The following CTPS2 variants were observed in gnomAD, a reference collection of about 807,000 sequenced individuals.
CTPS2 encodes the protein CTP synthase 2.
CTPS2 carries 19 observed loss-of-function variants against 46.8 expected under a neutral mutation model. That is an observed-to-expected ratio of 0.41 (90% CI 0.28 to 0.60). The LOEUF is 0.60. CTPS2 is among the 20% of genes least tolerant of loss of function. CTPS2 has a pLI of 0.35. For missense variants in CTPS2, 286 were observed against 447.6 expected (o/e 0.64, Z 3.26); for synonymous variants, 151 against 165.2 (o/e 0.91, Z 0.66).
chrX:16,684,885 G>A (rs970287916), intron 8 of CTPS2, among the ~76,000 whole-genome samples: 3 of 111,699 alleles, frequency 2.7e-5, no homozygotes, highest in Non-Finnish European at 3.8e-5. Flanking sequence ...GAGATCAGGA[G>A]TTCCAGACCA....
chrX:16,609,963 C>T (rs1930182174), intron 16 of CTPS2, among the ~76,000 whole-genome samples: 1 of 111,954 alleles, frequency 8.9e-6, no homozygotes, highest in Admixed American at 9.5e-5. Context: ...CCCAAATCTG[C>T]CTGCTTTTTG....
At chrX:16,654,001 G>C (rs1048084722) in intron 13 of CTPS2, among the ~76,000 whole-genome samples, 3 of 111,583 alleles carry the variant, frequency 2.7e-5, no homozygotes, top group Admixed American at 9.5e-5. Context: ...TGGAGCAGGA[G>C]ACAAACCCAG....
chrX:16,668,753 GAAGGAAGGAAGGAAGGA>G (rs1173028773), intron 11 of CTPS2, among the ~76,000 whole-genome samples: 6 of 80,132 alleles, frequency 7.5e-5, no homozygotes, highest in African/African-American at 2.1e-4. Flanking sequence ...AAGAAAGAAA[GAAGGAAGGAAGGAAGGA>G]AAGGAAGGAA....
At chrX:16,620,253 A>G (rs779334053) in intron 15 of CTPS2, 24 bp downstream of exon 15, 8 of 1,157,681 alleles carry the variant, frequency 6.9e-6, no homozygotes, top group Non-Finnish European at 9.4e-6. Flanking sequence ...CATATTCCCC[A>G]GTAATTCAGC....
intron 13 of CTPS2, among the ~76,000 whole-genome samples, chrX:16,665,801 A>G (rs1333763151): frequency 1.8e-5 from 2 of 112,291 alleles, no homozygotes; most frequent in African/African-American, 6.5e-5. Flanking sequence ...CCCAGGCTGG[A>G]GTGCAATGGC....
chrX:16,604,057 T>C (rs758386171), intron 17 of CTPS2, among the ~76,000 whole-genome samples: 2 of 111,555 alleles, frequency 1.8e-5, no homozygotes, highest in South Asian at 3.8e-4. Context: ...GTTTCGGCTT[T>C]TGGGTTTGGT....
intron 14 of CTPS2, 122 bp downstream of exon 14, chrX:16,639,025 T>A (rs1931910650): frequency 1.8e-6 from 1 of 567,257 alleles, no homozygotes; most frequent in South Asian, 2.5e-5. Context: ...AGAGAGAGAA[T>A]CAGGGCCCTC....
intron 6 of CTPS2, among the ~76,000 whole-genome samples, chrX:16,691,871 A>T (rs762782605): frequency 8.9e-6 from 1 of 112,269 alleles, no homozygotes; most frequent in Non-Finnish European, 1.9e-5. Flanking sequence ...TTCATTAACT[A>T]CAAGAAAAGA....
chrX:16,693,125 A>G lies in CTPS2; in HGVS notation c.639+16T>C. 1 of 1,127,197 alleles carries G rather than the reference A, an allele frequency of 8.9e-7. No homozygotes were observed. 92.9% of individuals were successfully genotyped at this position (1,127,197 alleles called of 1,213,427 possible). On this transcript the variant is annotated intron_variant, in intron 6 of 18. Coordinates refer to ENST00000359276, the MANE Select transcript of CTPS2 (RefSeq NM_175859.3). ...AGAGACCTTCAGGATAGACTTACCCACTGTCCTCAACTCACCAGATCTGGA... is the reference window on the plus strand; with the variant it reads ...AGAGACCTTCAGGATAGACTTACCCGCTGTCCTCAACTCACCAGATCTGGA...
intron 13 of CTPS2, among the ~76,000 whole-genome samples, chrX:16,655,204 A>C (rs1932788437): frequency 8.9e-6 from 1 of 112,044 alleles, no homozygotes; most frequent in African/African-American, 3.2e-5. Context: ...TTAATGAATG[A>C]CCCTCGACGG....
intron 2 of CTPS2, among the ~76,000 whole-genome samples, chrX:16,701,174 G>T (rs1017192672): frequency 6.3e-5 from 7 of 111,659 alleles, no homozygotes; most frequent in Non-Finnish European, 1.3e-4. Flanking sequence ...CAAAATCAAA[G>T]AACTCTAAAT....
chrX:16,658,344 A>C (rs1233410460), intron 13 of CTPS2, among the ~76,000 whole-genome samples: 1 of 111,747 alleles, frequency 8.9e-6, no homozygotes, highest in Non-Finnish European at 1.9e-5. Context: ...TAAAACTCTT[A>C]AACATTTCTC....
chrX:16,620,905 CA>C (rs1352141380), intron 14 of CTPS2, among the ~76,000 whole-genome samples: 1 of 112,344 alleles, frequency 8.9e-6, no homozygotes, highest in Non-Finnish European at 1.9e-5. Context: ...TATGATCCTA[CA>C]GTTGGACTTC....
intron 17 of CTPS2, among the ~76,000 whole-genome samples, chrX:16,596,630 T>C (rs1195871509): frequency 9.0e-6 from 1 of 110,977 alleles, no homozygotes. Context: ...TCTTTGCTAC[T>C]GTGAATAGTG....
chrX:16,693,094 G>A (rs1411126034), intron 6 of CTPS2, 47 bp downstream of exon 6: 5 of 795,545 alleles, frequency 6.3e-6, no homozygotes, highest in Admixed American at 5.1e-5. Context: ...TGAAGGTCCT[G>A]CTCCCAGAGA....
chrX:16,709,863 A>AAAC (rs1261606456), intron 1 of CTPS2, among the ~76,000 whole-genome samples: 27 of 107,898 alleles, frequency 2.5e-4, no homozygotes, highest in African/African-American at 9.1e-4. Context: ...AAAAAAAAAA[A>AAAC]AAAAAAAAAA....
At chrX:16,701,891 G>A (rs1178093645) in intron 2 of CTPS2, among the ~76,000 whole-genome samples, 6 of 110,495 alleles carry the variant, frequency 5.4e-5, no homozygotes, top group Admixed American at 9.7e-5. Flanking sequence ...GAGCCACCAC[G>A]CCCGGCAGGA....
rs1463958507 is a variant in CTPS2 at position 16,684,523 on chromosome X, AAAAAAC to A, written c.873-1303_873-1298del. On this transcript the variant is annotated intron_variant, in intron 8 of 18. Transcript: ENST00000359276. ...GACTCTGTCTCCAAAAAAAAAAAAAAAAAAACAAAAACAAAAAGAACACATATCTGT... is the reference window on the plus strand; with the variant it reads ...GACTCTGTCTCCAAAAAAAAAAAAAAAAAAACAAAAAGAACACATATCTGT... Among the ~76,000 whole-genome samples the A allele has an allele frequency of 1.5e-4, 14 of 96,180 alleles. No homozygotes were observed. The East Asian group carries it at 4.6e-3, about 32-fold the overall frequency. 83.5% of individuals were successfully genotyped at this position (96,180 alleles called of 115,157 possible). A position where few individuals can be genotyped will look rare whatever the true frequency, so the allele number is the denominator to read the frequency against.
chrX:16,694,738 A>G (rs6527710), intron 4 of CTPS2, among the ~76,000 whole-genome samples: 61,993 of 111,671 alleles, frequency 0.56, 13,794 homozygotes, highest in African/African-American at 0.86. Context: ...AGTGGCTCAC[A>G]CCTGTAATCC....
Sources: allele counts gnomAD v4.1 joint callset (sites outside exome capture counted in the v4.1 genomes callset), GRCh38; gene constraint gnomAD v4.1.1; transcripts MANE v1.5; gene names NCBI Gene and HGNC (gene_info 2026-07-23, HGNC 2026-07-21).